The following PCDHGA11 variants were observed in gnomAD, a reference collection of about 807,000 sequenced individuals.
The protein encoded by PCDHGA11 is protocadherin gamma-A11.
Under a neutral mutation model 60.4 loss-of-function variants are expected in PCDHGA11, and 39 were observed. That is an observed-to-expected ratio of 0.65 (90% CI 0.50 to 0.84). The LOEUF (loss-of-function observed/expected upper bound fraction) is 0.84. Among genes scored for constraint, PCDHGA11 ranks in the 40% least tolerant of loss-of-function variants. The pLI, the probability that PCDHGA11 is intolerant of heterozygous loss-of-function variation, is 0.00. For synonymous variants in PCDHGA11, 533 were observed against 510.3 expected (o/e 1.04, Z -0.60); for missense variants, 1,165 against 1,197.7 (o/e 0.97, Z 0.40).
intron 1 of PCDHGA11, among the ~76,000 whole-genome samples, chr5:141,481,109 A>G (rs959629019): frequency 6.6e-6 from 1 of 152,186 alleles, no homozygotes; most frequent in Non-Finnish European, 1.5e-5. Flanking sequence ...GGAACCTACC[A>G]ATCCATCATT....
chr5:141,490,641 G>A lies in PCDHGA11; in HGVS notation c.2434-4166G>A. 3 of 1,614,160 alleles carry A rather than the reference G, an allele frequency of 1.9e-6. No homozygotes were observed. On this transcript the variant is annotated intron_variant, in intron 1 of 3. Transcript: ENST00000398587. This position sits in a 1 kb window ranked among gnomAD's most constrained non-coding sequence, Gnocchi z 5.4. Reference sequence around the variant, plus strand: ...ACACTGCTTACATCCTAGAAAACCGGCCTCCGGGCTCCCTTCTTTGCACTG... The same window carrying A: ...ACACTGCTTACATCCTAGAAAACCGACCTCCGGGCTCCCTTCTTTGCACTG...
intron 1 of PCDHGA11, among the ~76,000 whole-genome samples, chr5:141,468,193 C>T (rs2099159672): frequency 6.6e-6 from 1 of 151,600 alleles, no homozygotes; most frequent in Non-Finnish European, 1.5e-5. Flanking sequence ...GGCATGGTGG[C>T]GGGTGCCTGT....
intron 1 of PCDHGA11, among the ~76,000 whole-genome samples, chr5:141,450,088 C>T (rs1358812478): frequency 1.3e-5 from 2 of 148,484 alleles, no homozygotes; most frequent in East Asian, 2.0e-4. Context: ...CTCACTGCAA[C>T]CTCCGCCTCC....
Position 141,493,435 on chromosome 5 carries a change from G to T in PCDHGA11, c.2434-1372G>T, listed in dbSNP as rs150678406. On this transcript the variant is annotated intron_variant, in intron 1 of 3. Coordinates refer to ENST00000398587, the MANE Select transcript of PCDHGA11 (RefSeq NM_018914.3). The surrounding 1 kb of genome is among the most constrained non-coding windows in gnomAD (Gnocchi z 4.3). ...TGGGATTTTGCTTCTGCTGGGATGG[G>T]GCAAGGGTGGGGTTCCTTCCCTTTT... Among the ~76,000 whole-genome samples the T allele has an allele frequency of 6.6e-5, 10 of 152,294 alleles. No individual in the cohort carries two copies. In the East Asian group the frequency reaches 1.7e-3, roughly 26 times the overall value.
At chr5:141,510,863 A>G in intron 3 of PCDHGA11, 84 bp from the exon 4 acceptor site, 1 of 1,607,492 alleles carries the variant, frequency 6.2e-7, no homozygotes, top group African/African-American at 1.3e-5. Flanking sequence ...CTGTATAGGC[A>G]TTCATTAACT....
At chr5:141,427,814 G>T in intron 1 of PCDHGA11, 2 of 1,526,562 alleles carry the variant, frequency 1.3e-6, no homozygotes, top group South Asian at 2.2e-5. Context: ...CACAGAGCGG[G>T]GTGGTGGTCG....
intron 1 of PCDHGA11, among the ~76,000 whole-genome samples, chr5:141,464,833 G>A (rs1015373577): frequency 6.6e-6 from 1 of 151,990 alleles, no homozygotes; most frequent in African/African-American, 2.4e-5. Context: ...CGCACTCCTG[G>A]GCTCAAGCAA....
Position 141,485,200 on chromosome 5 carries a change from A to C in PCDHGA11, c.2434-9607A>C. 1 of 1,614,116 alleles carries C rather than the reference A, an allele frequency of 6.2e-7. No homozygotes were observed. The highest frequency in any genetic ancestry group is 2.2e-5 in the East Asian group (1 of 44,872). ...TGCTCCGCAAGGTGAGAAGCTGGAC[A>C]GAAATCTGGCGGTGGGCTACCCTTT... On this transcript the variant is annotated intron_variant, in intron 1 of 3. Coordinates refer to ENST00000398587, the MANE Select transcript of PCDHGA11 (RefSeq NM_018914.3). This position sits in a 1 kb window ranked among gnomAD's most constrained non-coding sequence, Gnocchi z 5.7.
chr5:141,426,718 C>G, intron 1 of PCDHGA11: 1 of 446,166 alleles, frequency 2.2e-6, no homozygotes, highest in Non-Finnish European at 4.6e-6. Flanking sequence ...AATGAACTAG[C>G]AATTCCAGGC....
rs947567666 is a variant in PCDHGA11, at chr5:141,422,270, T to C, written c.1043T>C (p.Ile348Thr). ...VVDVNDNAPE[I>T]TITSSINSIL... ...GATGTGAATGATAACGCTCCAGAAA[T>C]AACTATCACCTCTTCTATTAATTCA... Residue 348 changes from isoleucine (I) to threonine (T), a missense_variant, in exon 1 of 4, where the codon ATA (isoleucine) becomes ACA (threonine). Ile to Thr is a moderately conservative substitution (Grantham distance 89). Transcript: ENST00000398587. 2.6e-6 allele frequency: 4 copies of C among 1,562,452 alleles called. No homozygotes were observed. The East Asian group carries it at 9.0e-5, about 35-fold the overall frequency.
chr5:141,433,592 T>C (rs1043652093), intron 1 of PCDHGA11, among the ~76,000 whole-genome samples: 5 of 152,020 alleles, frequency 3.3e-5, no homozygotes, highest in Non-Finnish European at 7.4e-5. Context: ...TCCCAGTACT[T>C]TGGGAGGCCG....
In PCDHGA11 at chr5:141,486,056, C is replaced by T; in HGVS notation, c.2434-8751C>T. 6.2e-7 allele frequency: 1 copy of T among 1,614,170 alleles called. No homozygotes were observed. The highest frequency in any genetic ancestry group is 8.5e-7 in the Non-Finnish European group (1 of 1,180,026). ...TGATCGTGTAAGAAACCTCTTTAGC[C>T]TGCACCCCACTACTGGAAAGCTTAC... On this transcript the variant is annotated intron_variant, in intron 1 of 3. Transcript: ENST00000398587. The surrounding 1 kb of genome is among the most constrained non-coding windows in gnomAD (Gnocchi z 5.0).
intron 1 of PCDHGA11, chr5:141,468,629 G>A (rs1170355107): frequency 1.3e-5 from 2 of 152,140 alleles, no homozygotes; most frequent in African/African-American, 4.8e-5. Flanking sequence ...CACTTTGGGA[G>A]GCCGAGGTGG....
intron 1 of PCDHGA11, among the ~76,000 whole-genome samples, chr5:141,455,419 G>A (rs1462099602): frequency 6.6e-6 from 1 of 152,124 alleles, no homozygotes; most frequent in Non-Finnish European, 1.5e-5. Context: ...AGGGAGCGGG[G>A]CTCCAAAAGA....
chr5:141,444,800 A>G (rs1294854513), intron 1 of PCDHGA11, among the ~76,000 whole-genome samples: 1 of 152,078 alleles, frequency 6.6e-6, no homozygotes, highest in East Asian at 1.9e-4. Flanking sequence ...CTATTCTTTT[A>G]CTAATAGCAC....
In PCDHGA11 at chr5:141,423,130, G is replaced by T. The variant is rs770258338; in HGVS notation, c.1903G>T (p.Asp635Tyr). The T allele has an allele frequency of 2.5e-6, 4 of 1,613,700 alleles. No homozygotes were observed. Among genetic ancestry groups the T allele is most frequent in the Non-Finnish European group, 2.5e-6 (3 of 1,179,952 alleles). ...GGTGCGTACAGCGCGGGCACTGCTG[G>T]ACAGAGACGCGCTCAAGCAGAGCCT... Reference protein sequence around the residue: ...GEVRTARALLDRDALKQSLVV... With the variant: ...GEVRTARALLYRDALKQSLVV... The change falls in exon 1 of 4, where the codon GAC becomes TAC. Residue 635 changes from aspartate (D) to tyrosine (Y), a missense_variant. Coordinates refer to ENST00000398587, the MANE Select transcript of PCDHGA11 (RefSeq NM_018914.3).
intron 1 of PCDHGA11, chr5:141,492,023 C>T: frequency 1.8e-6 from 1 of 564,804 alleles, no homozygotes; most frequent in Non-Finnish European, 3.0e-6. Context: ...TCGGGGGTCC[C>T]GGGAGGAGGC....
chr5:141,505,633 A>C, intron 3 of PCDHGA11, 152 bp downstream of exon 3: 3 of 1,471,286 alleles, frequency 2.0e-6, no homozygotes, highest in South Asian at 1.3e-5. Context: ...TCCAAACATA[A>C]AGCCTGGAAT....
At chr5:141,447,520 T>C (rs1156521785) in intron 1 of PCDHGA11, among the ~76,000 whole-genome samples, 1 of 152,202 alleles carries the variant, frequency 6.6e-6, no homozygotes, top group Non-Finnish European at 1.5e-5. Context: ...ATAACAATCA[T>C]AACAAAATTG....
Sources: allele counts gnomAD v4.1 joint callset (sites outside exome capture counted in the v4.1 genomes callset), GRCh38; gene constraint gnomAD v4.1.1; non-coding constraint Gnocchi (gnomAD v3.1); transcripts MANE v1.5; gene names NCBI Gene and HGNC (gene_info 2026-07-23, HGNC 2026-07-21).